The following ARHGAP29 variants were observed in gnomAD, a reference collection of about 807,000 sequenced individuals.
The protein encoded by ARHGAP29 is Rho GTPase activating protein 29.
In ARHGAP29, 43 loss-of-function variants were observed where a neutral mutation model predicts 122.6. The ratio of observed to expected loss-of-function variants is 0.35; its 90% confidence interval spans 0.27 to 0.45. ARHGAP29 has a LOEUF of 0.45. Ranked by LOEUF, ARHGAP29 falls within the 20% of genes least tolerant of loss-of-function variation. The pLI, the probability that ARHGAP29 is intolerant of heterozygous loss-of-function variation, is 1.00. For missense variants in ARHGAP29, 1,303 were observed against 1,477.2 expected (o/e 0.88, Z 1.93); for synonymous variants, 506 against 497.1 (o/e 1.02, Z -0.24).
the ARHGAP29 span, among the ~76,000 whole-genome samples, chr1:94,289,736 T>G: frequency 6.6e-6 from 1 of 152,352 alleles, no homozygotes; most frequent in Admixed American, 6.5e-5. Context: ...CGTTTCTGCA[T>G]CTATTGAGAT....
rs374520548 is a variant in ARHGAP29 at position 94,198,373 on chromosome 1, G to C, written c.1281+3347C>G. Reference sequence around the variant, plus strand: ...TGCACGTGTAGTCTTAGCTACCTGGGAGGCTGAGGATTGCTTGAGCCCAGG... The same window carrying C: ...TGCACGTGTAGTCTTAGCTACCTGGCAGGCTGAGGATTGCTTGAGCCCAGG... On this transcript the variant is annotated intron_variant, in intron 12 of 22. Transcript: ENST00000260526. Among the ~76,000 whole-genome samples, 90 of 152,166 alleles carry C rather than the reference G, an allele frequency of 5.9e-4. 2 individuals carry two copies. The South Asian group carries it at 0.018, about 30-fold the overall frequency.
chr1:94,293,797 A>C, the ARHGAP29 span, among the ~76,000 whole-genome samples: 2 of 152,210 alleles, frequency 1.3e-5, no homozygotes, highest in African/African-American at 4.8e-5. Context: ...GTGTTCAGCT[A>C]TCTGGAAGCT....
rs917635883 is a variant in ARHGAP29 at position 94,196,256 on chromosome 1, C to CTTTT, written c.1281+5460_1281+5463dup. Among the ~76,000 whole-genome samples the CTTTT allele has an allele frequency of 1.8e-3, 168 of 91,126 alleles. 1 individual carries two copies. Among genetic ancestry groups the CTTTT allele is most frequent in the Middle Eastern group, 0.01 (1 of 98 alleles). 59.8% of individuals were successfully genotyped at this position (91,126 alleles called of 152,430 possible). The stretch of plus-strand genomic sequence containing the variant: ...TTAGTTTCGATTTTTCCGTGTTTTT[C>CTTTT]TTTTTTTTTTTTTTTTTTTTTTTGA... On this transcript the variant is annotated intron_variant, in intron 12 of 22. Transcript: ENST00000260526.
intron 1 of ARHGAP29, among the ~76,000 whole-genome samples, chr1:94,253,107 A>G (rs1244812504): frequency 6.6e-6 from 1 of 151,980 alleles, no homozygotes; most frequent in Non-Finnish European, 1.5e-5. Flanking sequence ...AGTAGCTGGG[A>G]CTACAGGTGC....
At chr1:94,282,255 CTTTA>C in the ARHGAP29 span, among the ~76,000 whole-genome samples, 46,126 of 141,218 alleles carry the variant, frequency 0.33, 7,852 homozygotes, top group Middle Eastern at 0.48. Flanking sequence ...AGTGATAGTG[CTTTA>C]TTTATTTATT....
At chr1:94,208,728 G>A (rs1651378798) in intron 5 of ARHGAP29, 104 bp downstream of exon 5, 6 of 1,113,924 alleles carry the variant, frequency 5.4e-6, no homozygotes, top group Middle Eastern at 2.1e-4. Flanking sequence ...CCAAAGTGCT[G>A]GGATTACAGG....
intron 12 of ARHGAP29, among the ~76,000 whole-genome samples, chr1:94,197,720 A>T (rs1650562862): frequency 6.6e-6 from 1 of 152,216 alleles, no homozygotes; most frequent in South Asian, 2.1e-4. Flanking sequence ...TATTAACGTA[A>T]TGCACCATAT....
chr1:94,292,331 G>T, the ARHGAP29 span, among the ~76,000 whole-genome samples: 1 of 152,076 alleles, frequency 6.6e-6, no homozygotes, highest in Admixed American at 6.5e-5. Context: ...CTCTGCACTG[G>T]TTATTCTAGT....
chr1:94,232,324 A>C (rs772700325), intron 1 of ARHGAP29, among the ~76,000 whole-genome samples: 2 of 152,168 alleles, frequency 1.3e-5, no homozygotes, highest in African/African-American at 4.8e-5. Context: ...GTTCAATTAC[A>C]GTTAGTTTTT....
upstream of ARHGAP29, chr1:94,237,610 C>T: frequency 1.0e-6 from 1 of 987,530 alleles, no homozygotes; most frequent in Non-Finnish European, 1.2e-6. Context: ...CCTGCAGCTA[C>T]CGCCACGGCC....
chr1:94,276,806 A>G (rs1655207666), upstream of ARHGAP29, among the ~76,000 whole-genome samples: 1 of 151,140 alleles, frequency 6.6e-6, no homozygotes, highest in Admixed American at 6.6e-5. Flanking sequence ...AAAAAAAAAA[A>G]AAAGGACTGT....
chr1:94,280,916 AGAG>A, the ARHGAP29 span, among the ~76,000 whole-genome samples: 1 of 152,230 alleles, frequency 6.6e-6, no homozygotes, highest in Non-Finnish European at 1.5e-5. Context: ...TGGGATAAGC[AGAG>A]AAGACTGACA....
intron 1 of ARHGAP29, among the ~76,000 whole-genome samples, chr1:94,236,932 T>A (rs1410064889): frequency 1.3e-5 from 2 of 152,092 alleles, no homozygotes; most frequent in Non-Finnish European, 2.9e-5. Context: ...GAGCACGGAT[T>A]CCGGAGCAAA....
At chr1:94,207,275 C>T (rs1297438312) in intron 5 of ARHGAP29, among the ~76,000 whole-genome samples, 4 of 151,930 alleles carry the variant, frequency 2.6e-5, no homozygotes, top group Non-Finnish European at 5.9e-5. Context: ...TCCCAAAGTA[C>T]GAGATTACAG....
At chr1:94,257,590 G>T (rs907220716) in intron 1 of ARHGAP29, among the ~76,000 whole-genome samples, 3 of 152,090 alleles carry the variant, frequency 2.0e-5, no homozygotes, top group Non-Finnish European at 4.4e-5. Context: ...CATGCCTGTG[G>T]TCCCAGCTAC....
At chr1:94,296,158 T>A in the ARHGAP29 span, among the ~76,000 whole-genome samples, 3 of 152,236 alleles carry the variant, frequency 2.0e-5, no homozygotes, top group East Asian at 5.8e-4. Flanking sequence ...TTTTAAATTG[T>A]GCACTATGCC....
chr1:94,210,527 A>C (rs1046149621), intron 3 of ARHGAP29, among the ~76,000 whole-genome samples: 7 of 152,260 alleles, frequency 4.6e-5, no homozygotes, highest in African/African-American at 7.2e-5. Flanking sequence ...TTTTATATGC[A>C]TAAGCCTCTG....
In ARHGAP29 at chr1:94,231,374, T is replaced by C. The variant is rs1372260667; in HGVS notation, c.205+33A>G. On this transcript the variant is annotated intron_variant, in intron 2 of 22. Coordinates refer to ENST00000260526, the MANE Select transcript of ARHGAP29 (RefSeq NM_004815.4). ...CCAGCATTTAAAATTTTACAAACTA[T>C]CCAGCAAGAATGCTAATAGAAAAGT... The C allele has an allele frequency of 3.2e-6, 5 of 1,573,262 alleles. No individual in the cohort carries two copies. In the African/African-American group the frequency reaches 5.4e-5, roughly 17 times the overall value.
chr1:94,209,247 T>C lies in ARHGAP29; in HGVS notation c.437+7A>G, dbSNP rs1202645846. ...CTAGTTGCTTTAAATGACAGTTCTCTACTTACATATTTCCAAAGGTAAATG... is the reference window on the plus strand; with the variant it reads ...CTAGTTGCTTTAAATGACAGTTCTCCACTTACATATTTCCAAAGGTAAATG... On this transcript the variant is annotated splice_region_variant and intron_variant, in intron 4 of 22. Coordinates refer to ENST00000260526, the MANE Select transcript of ARHGAP29 (RefSeq NM_004815.4). 1.3e-6 allele frequency: 2 copies of C among 1,594,888 alleles called. No individual in the cohort carries two copies. Among genetic ancestry groups the C allele is most frequent in the South Asian group, 2.2e-5 (2 of 89,538 alleles).
Sources: allele counts gnomAD v4.1 joint callset (sites outside exome capture counted in the v4.1 genomes callset), GRCh38; gene constraint gnomAD v4.1.1; transcripts MANE v1.5; gene names NCBI Gene and HGNC (gene_info 2026-07-23, HGNC 2026-07-21).